EPB41L4A: variants seen among roughly 807,000 people sequenced by gnomAD.
EPB41L4A encodes the protein erythrocyte membrane protein band 4.1 like 4A, also known as band 4.1-like protein 4A.
Under a neutral mutation model 108.6 loss-of-function variants are expected in EPB41L4A, and 100 were observed. That is an observed-to-expected ratio of 0.92 (90% CI 0.78 to 1.09). The LOEUF (loss-of-function observed/expected upper bound fraction) is 1.09. Ranked by LOEUF, EPB41L4A falls within the 50% of genes least tolerant of loss-of-function variation. The pLI is 0.00. For missense variants in EPB41L4A, 1,030 were observed against 842.7 expected, an observed-to-expected ratio of 1.22 and a Z score of -2.75; for synonymous variants, 319 against 289.0, an observed-to-expected ratio of 1.10 and a Z score of -1.05.
chr5:112,191,585 T>G (rs1197675975), intron 17 of EPB41L4A, among the ~76,000 whole-genome samples: 1 of 152,046 alleles, frequency 6.6e-6, no homozygotes, highest in South Asian at 2.1e-4. Flanking sequence ...TAAAGCAGCT[T>G]ATGCTCCAAT....
intron 1 of EPB41L4A, among the ~76,000 whole-genome samples, chr5:112,388,709 C>G (rs969220056): frequency 5.9e-5 from 9 of 152,222 alleles, no homozygotes; most frequent in African/African-American, 2.2e-4. Flanking sequence ...TCCCATCCAC[C>G]TGCTCAACTA....
chr5:112,316,399 A>G (rs1755430606), intron 1 of EPB41L4A, among the ~76,000 whole-genome samples: 1 of 152,158 alleles, frequency 6.6e-6, no homozygotes, highest in African/African-American at 2.4e-5. Context: ...ACTTAAAATT[A>G]CATTAATTTT....
chr5:112,190,291 A>G (rs1052859023), intron 17 of EPB41L4A, among the ~76,000 whole-genome samples: 1 of 152,230 alleles, frequency 6.6e-6, no homozygotes, highest in African/African-American at 2.4e-5. Flanking sequence ...TTTAGATGAT[A>G]AAACTTTGTA....
intron 15 of EPB41L4A, among the ~76,000 whole-genome samples, chr5:112,198,200 A>G (rs939760678): frequency 6.6e-6 from 1 of 151,708 alleles, no homozygotes; most frequent in African/African-American, 2.4e-5. Flanking sequence ...ACGCCTGGCT[A>G]GTTTGTATTT....
At position 112,268,839 on chromosome 5, in the gene EPB41L4A, T is replaced by C. The variant is rs1171895272; in HGVS notation, c.336-2509A>G. Among the ~76,000 whole-genome samples, 8 of 38,026 alleles carry C rather than the reference T, an allele frequency of 2.1e-4. No homozygotes were observed. In the Admixed American group the frequency reaches 3.9e-3, roughly 19 times the overall value. 24.9% of individuals were successfully genotyped at this position (38,026 alleles called of 152,430 possible). A position where few individuals can be genotyped will look rare whatever the true frequency, so the allele number is the denominator to read the frequency against. ...GCCTGGGCAACAGAATAAGACCTTC[T>C]CTCAAAAAAAAAAAAAAAAAAAAAA... On this transcript the variant is annotated intron_variant, in intron 4 of 22. Transcript: ENST00000261486.
chr5:112,358,098 C>T (rs1758482046), intron 1 of EPB41L4A, among the ~76,000 whole-genome samples: 1 of 152,240 alleles, frequency 6.6e-6, no homozygotes, highest in Non-Finnish European at 1.5e-5. Flanking sequence ...TGCCTGATCT[C>T]CCAACAGCAG....
chr5:112,249,119 A>G (rs1203042539), intron 9 of EPB41L4A: 2 of 152,216 alleles, frequency 1.3e-5, no homozygotes, highest in Non-Finnish European at 2.9e-5. Flanking sequence ...CAATCATTAT[A>G]TAAGTACCTG....
chr5:112,330,174 T>C (rs1580698996), intron 1 of EPB41L4A, among the ~76,000 whole-genome samples: 1 of 151,688 alleles, frequency 6.6e-6, no homozygotes, highest in Non-Finnish European at 1.5e-5. Flanking sequence ...ATGGCTTAGG[T>C]GTACTCAGGT....
At chr5:112,340,288 A>G (rs1580718003) in intron 1 of EPB41L4A, among the ~76,000 whole-genome samples, 1 of 152,160 alleles carries the variant, frequency 6.6e-6, no homozygotes, top group African/African-American at 2.4e-5. Context: ...ATCAGAGTCA[A>G]CCGATGGCCT....
chr5:112,405,995 T>G (rs1762050427), intron 1 of EPB41L4A, among the ~76,000 whole-genome samples: 1 of 152,244 alleles, frequency 6.6e-6, no homozygotes, highest in African/African-American at 2.4e-5. Context: ...AACCTACAAT[T>G]ATGGTCACAT....
chr5:112,146,514 G>A (rs377491612), intron 12 of EPB41L4A, among the ~76,000 whole-genome samples: 5 of 152,124 alleles, frequency 3.3e-5, no homozygotes, highest in African/African-American at 9.7e-5. Context: ...GGTTACTGAC[G>A]GAAACAGATT....
At chr5:112,307,625 G>T in intron 1 of EPB41L4A, 135 bp from the exon 2 acceptor site, 1 of 487,692 alleles carries the variant, frequency 2.1e-6, no homozygotes, top group East Asian at 3.2e-5. Flanking sequence ...TTCTCTGTAA[G>T]TTGTGCCTCA....
At chr5:112,324,096 G>C (rs562270067) in intron 1 of EPB41L4A, among the ~76,000 whole-genome samples, 5 of 152,174 alleles carry the variant, frequency 3.3e-5, no homozygotes, top group Admixed American at 6.5e-5. Flanking sequence ...GAAAGATCAA[G>C]AGAGAGAAAA....
intron 1 of EPB41L4A, among the ~76,000 whole-genome samples, chr5:112,334,083 C>T (rs34721765): frequency 0.063 from 9,559 of 152,128 alleles, 369 homozygotes; most frequent in Middle Eastern, 0.099. Context: ...TTATTATACG[C>T]TCCTCCCTTT....
At chr5:112,417,222 T>C (rs1273672952) in intron 1 of EPB41L4A, among the ~76,000 whole-genome samples, 5 of 152,212 alleles carry the variant, frequency 3.3e-5, no homozygotes, top group Admixed American at 1.3e-4. Context: ...GATTTTTGAT[T>C]CATGTTTCTT....
intron 1 of EPB41L4A, among the ~76,000 whole-genome samples, chr5:112,309,022 A>C (rs966772487): frequency 4.3e-4 from 65 of 152,306 alleles, no homozygotes; most frequent in African/African-American, 1.6e-3. Context: ...CCTAACCCAA[A>C]GTTTATGAGC....
intron 2 of EPB41L4A, among the ~76,000 whole-genome samples, chr5:112,289,255 T>C (rs932548543): frequency 1.4e-4 from 22 of 152,292 alleles, no homozygotes; most frequent in Non-Finnish European, 2.6e-4. Context: ...CAGAATACTA[T>C]GGATACTCAT....
intron 1 of EPB41L4A, among the ~76,000 whole-genome samples, chr5:112,371,929 T>C (rs10478079): frequency 0.013 from 1,926 of 152,158 alleles, 48 homozygotes; most frequent in African/African-American, 0.045. Context: ...GTGGCATGCA[T>C]CTGTAGTCCC....
chr5:112,189,621 C>T (rs1004520403), intron 17 of EPB41L4A, among the ~76,000 whole-genome samples: 2 of 152,130 alleles, frequency 1.3e-5, no homozygotes, highest in African/African-American at 4.8e-5. Flanking sequence ...AAGCTGCTCT[C>T]GTTTCTCTGT....
Sources: gnomAD v4.1 joint callset for allele counts (sites outside exome capture counted in the v4.1 genomes callset) on GRCh38, gnomAD v4.1.1 for gene constraint, MANE v1.5 for transcripts, NCBI Gene and HGNC (gene_info 2026-07-23, HGNC 2026-07-21) for gene names.